LRCH2: variants seen among roughly 807,000 people sequenced by gnomAD.
LRCH2 encodes leucine-rich repeat and calponin homology domain-containing protein 2.
In LRCH2, 38 loss-of-function variants were observed where a neutral mutation model predicts 68.9. The observed-to-expected ratio is 0.55, with a 90% confidence interval of 0.43 to 0.72. The LOEUF is 0.72. Among genes scored for constraint, LRCH2 ranks in the 30% least tolerant of loss-of-function variants. LRCH2 has a pLI of 0.00. For missense variants in LRCH2, 528 were observed against 572.9 expected, an observed-to-expected ratio of 0.92 and a Z score of 0.80; for synonymous variants, 191 against 208.1, an observed-to-expected ratio of 0.92 and a Z score of 0.71.
chrX:115,196,096 G>T (rs782367598), intron 1 of LRCH2, among the ~76,000 whole-genome samples: 1 of 111,287 alleles, frequency 9.0e-6, no homozygotes, highest in Admixed American at 9.5e-5. Flanking sequence ...ACTAAGAAAC[G>T]GACATGGCAT....
chrX:115,166,436 T>C, intron 6 of LRCH2, 94 bp from the exon 7 acceptor site: 1 of 532,727 alleles, frequency 1.9e-6, no homozygotes. Context: ...ATACAGAATA[T>C]ATACTTTTGA....
Position 115,126,900 on chromosome X carries a change from CATAAAA to C in LRCH2, c.1741-13_1741-8del, listed in dbSNP as rs782743374. 5.0e-6 allele frequency: 5 copies of C among 993,130 alleles called. No homozygotes were observed. In the African/African-American group the frequency reaches 8.1e-5, roughly 16 times the overall value. The allele number at this position is 993,130 out of a possible 1,213,427, so 81.8% of individuals were successfully genotyped here. ...TAGCATTATCACTGTCTTGCTAAAA[CATAAAA>C]ATAAAAAGATGGAAGATGAAATTAC... is the stretch of plus-strand genomic sequence containing the variant. On this transcript the variant is annotated splice_region_variant and splice_polypyrimidine_tract_variant and intron_variant, in intron 15 of 20. Coordinates refer to ENST00000317135, the MANE Select transcript of LRCH2 (RefSeq NM_020871.4).
intron 14 of LRCH2, among the ~76,000 whole-genome samples, chrX:115,142,375 A>T (rs1333255909): frequency 8.9e-6 from 1 of 112,260 alleles, no homozygotes; most frequent in Non-Finnish European, 1.9e-5. Flanking sequence ...TCTTCTCCTC[A>T]GCACATGGAT....
intron 1 of LRCH2, among the ~76,000 whole-genome samples, chrX:115,208,297 T>C (rs1471939052): frequency 8.9e-6 from 1 of 111,859 alleles, no homozygotes; most frequent in African/African-American, 3.3e-5. Context: ...TTAATTAGCA[T>C]CCAAAGGGAT....
At chrX:115,186,758 T>C (rs1321569451) in intron 2 of LRCH2, among the ~76,000 whole-genome samples, 1 of 109,495 alleles carries the variant, frequency 9.1e-6, no homozygotes, top group Non-Finnish European at 1.9e-5. Flanking sequence ...TATACCTACT[T>C]AGAGAAAGGA....
chrX:115,167,946 G>A (rs958855213), intron 6 of LRCH2, among the ~76,000 whole-genome samples: 2 of 112,125 alleles, frequency 1.8e-5, no homozygotes, highest in African/African-American at 6.5e-5. Context: ...GCTATTTGTT[G>A]AGGAAATGTT....
chrX:115,224,348 G>A (rs1556575418), intron 1 of LRCH2, among the ~76,000 whole-genome samples: 1 of 111,011 alleles, frequency 9.0e-6, no homozygotes, highest in Admixed American at 9.6e-5. Context: ...ACTTTAAATT[G>A]GTCCACTTTT....
rs1335861635 is a variant in LRCH2 at position 115,179,487 on chromosome X, C to T, written c.804G>A (p.Lys268=). The T allele has an allele frequency of 8.7e-7, 1 of 1,150,884 alleles. No individual in the cohort carries two copies. Among genetic ancestry groups the T allele is most frequent in the African/African-American group, 1.8e-5 (1 of 55,348 alleles). The allele number at this position is 1,150,884 out of a possible 1,213,427, so 94.8% of individuals were successfully genotyped here. The part of the protein sequence containing the change: ...KVTEIPVCYR[K]LHHLQVIILD... ...AAATTATTACTTGTAAATGATGCAG[C>T]TTTCTGTAACAAACTGGAATTTCGG... The change falls in exon 5 of 21, where the codon AAG becomes AAA. Residue 268 remains lysine, a synonymous_variant. Transcript: ENST00000317135.
chrX:115,113,158 A>C lies in LRCH2; in HGVS notation c.*58T>G, dbSNP rs2072055643. On this transcript the variant is annotated 3_prime_UTR_variant, in exon 21 of 21. Transcript: ENST00000317135. ...GAATATTCTTATTCATGAATTTGAA[A>C]TATTTGAAATCACTTCAAATAAATG... 1 of 1,000,438 alleles carries C rather than the reference A, an allele frequency of 1.0e-6. No homozygotes were observed. The highest frequency in any genetic ancestry group is 1.9e-5 in the African/African-American group (1 of 51,468). The allele number at this position is 1,000,438 out of a possible 1,213,427, so 82.4% of individuals were successfully genotyped here. A position where few individuals can be genotyped will look rare whatever the true frequency, so the allele number is the denominator to read the frequency against.
chrX:115,197,301 G>C (rs782355075), intron 1 of LRCH2, among the ~76,000 whole-genome samples: 2 of 108,016 alleles, frequency 1.9e-5, no homozygotes, highest in Admixed American at 9.8e-5. Flanking sequence ...AACCAAAAAA[G>C]AAAAAAAAAT....
rs782008388 is a variant in LRCH2 at position 115,219,480 on chromosome X, G to A, written c.349+14213C>T. Among the ~76,000 whole-genome samples the A allele has an allele frequency of 6.3e-5, 7 of 111,516 alleles. No homozygotes were observed. In the East Asian group the frequency reaches 1.1e-3, roughly 18 times the overall value. On this transcript the variant is annotated intron_variant, in intron 1 of 20. Transcript: ENST00000317135. ...TCAAGCAGCCCCTACACATCAGCAC[G>A]GCGGCAGCTGCCAGTAAGACAAGAC...
intron 1 of LRCH2, among the ~76,000 whole-genome samples, chrX:115,201,674 G>A (rs782772332): frequency 1.8e-5 from 2 of 111,633 alleles, no homozygotes; most frequent in South Asian, 7.5e-4. Context: ...GAGCAATCGG[G>A]CAAGAGAAAG....
chrX:115,197,407 A>T (rs1178895180), intron 1 of LRCH2, among the ~76,000 whole-genome samples: 1 of 111,906 alleles, frequency 8.9e-6, no homozygotes, highest in Non-Finnish European at 1.9e-5. Context: ...GAACTCAGAA[A>T]ATCAATTCAG....
rs900116054 is a variant in LRCH2, at chrX:115,146,900, C to T, written c.1695+2927G>A. 1.7e-4 allele frequency among the ~76,000 whole-genome samples: 11 copies of T among 63,456 alleles called. No homozygotes were observed. In the Admixed American group the frequency reaches 2.4e-3, roughly 14 times the overall value. The allele number at this position is 63,456 out of a possible 115,157, so 55.1% of individuals were successfully genotyped here. A position where few individuals can be genotyped will look rare whatever the true frequency, so the allele number is the denominator to read the frequency against. ...AGAAGAAATACAGTTGGATTTCTTA[C>T]ATACATACACACACACACACACACA... is the stretch of plus-strand genomic sequence containing the variant. On this transcript the variant is annotated intron_variant, in intron 14 of 20. Transcript: ENST00000317135.
chrX:115,123,615 T>C (rs1556526724), intron 17 of LRCH2, among the ~76,000 whole-genome samples: 3 of 112,222 alleles, frequency 2.7e-5, no homozygotes. Context: ...AAAAGATCCC[T>C]TTATAAAACC....
chrX:115,149,016 T>C (rs1383137351), intron 14 of LRCH2, among the ~76,000 whole-genome samples: 1 of 111,616 alleles, frequency 9.0e-6, no homozygotes, highest in African/African-American at 3.2e-5. Context: ...GAACCTACAA[T>C]GTAGACTAGT....
intron 1 of LRCH2, among the ~76,000 whole-genome samples, chrX:115,227,057 A>G (rs1402107347): frequency 9.0e-6 from 1 of 111,071 alleles, no homozygotes; most frequent in Admixed American, 9.6e-5. Context: ...GTCCTTTTCA[A>G]TGTAGGATGC....
At chrX:115,202,119 CA>C (rs2072934574) in intron 1 of LRCH2, among the ~76,000 whole-genome samples, 1 of 111,776 alleles carries the variant, frequency 8.9e-6, no homozygotes, top group South Asian at 3.7e-4. Context: ...ACCAAAATAC[CA>C]ACATCATTTT....
In LRCH2 at chrX:115,165,551, T is replaced by C. The variant is rs942366654; in HGVS notation, c.1296+7A>G. On this transcript the variant is annotated splice_region_variant and intron_variant, in intron 9 of 20. Coordinates refer to ENST00000317135, the MANE Select transcript of LRCH2 (RefSeq NM_020871.4). ...TGTTATTAATATTTGTTCAAAGTTT[T>C]ATTTACCTTAAAGAATGATACAAAT... is the stretch of plus-strand genomic sequence containing the variant. 2.1e-5 allele frequency: 24 copies of C among 1,131,105 alleles called. No individual in the cohort carries two copies. The highest frequency in any genetic ancestry group is 2.7e-5 in the Non-Finnish European group (23 of 843,460). The allele number at this position is 1,131,105 out of a possible 1,213,427, so 93.2% of individuals were successfully genotyped here.
Sources: gnomAD v4.1 joint callset for allele counts (sites outside exome capture counted in the v4.1 genomes callset) on GRCh38, gnomAD v4.1.1 for gene constraint, MANE v1.5 for transcripts, NCBI Gene and HGNC (gene_info 2026-07-23, HGNC 2026-07-21) for gene names.